Variants in LRTM3 observed in about 807,000 individuals in gnomAD.
LRTM3 encodes the protein leucine rich repeat transmembrane protein 3.
At chr13:102,748,224 C>T in the LRTM3 span, 8 of 1,551,142 alleles carry the variant, frequency 5.2e-6, no homozygotes, top group East Asian at 1.5e-4. Context: ...ATGTTACTTC[C>T]AGTGTTGCAT....
chr13:102,745,477 T>C, the LRTM3 span: 1 of 1,551,048 alleles, frequency 6.4e-7, no homozygotes, highest in Non-Finnish European at 8.7e-7. Flanking sequence ...TCATTTTGGT[T>C]GTCAAGTTAC....
the LRTM3 span, chr13:102,749,099 C>G: frequency 5.2e-6 from 8 of 1,549,578 alleles, no homozygotes; most frequent in Non-Finnish European, 7.0e-6. Flanking sequence ...TATATCTTTC[C>G]TTTCATGTAA....
At chr13:102,752,450 G>C in the LRTM3 span, among the ~76,000 whole-genome samples, 1 of 152,122 alleles carries the variant, frequency 6.6e-6, no homozygotes, top group Non-Finnish European at 1.5e-5. Flanking sequence ...CTACCCTGCA[G>C]GCTGCAACCT....
At chr13:102,747,846 C>T in the LRTM3 span, 1 of 1,551,270 alleles carries the variant, frequency 6.4e-7, no homozygotes, top group Non-Finnish European at 8.7e-7. Context: ...TTATTTGGGG[C>T]TTTACTACTT....
chr13:102,741,582 T>C, the LRTM3 span: 1 of 1,550,406 alleles, frequency 6.4e-7, no homozygotes, highest in Non-Finnish European at 8.7e-7. Flanking sequence ...GGTTCCATAA[T>C]GGGGCAGGCC....
chr13:102,757,912 T>C, the LRTM3 span, among the ~76,000 whole-genome samples: 1 of 152,198 alleles, frequency 6.6e-6, no homozygotes, highest in African/African-American at 2.4e-5. Context: ...TGAATGGATT[T>C]CAATTAAAAC....
chr13:102,732,582 T>C, the LRTM3 span: 1 of 1,551,230 alleles, frequency 6.4e-7, no homozygotes. Context: ...AGTTCTTTTT[T>C]CTGCTTTTGC....
chr13:102,752,493 A>G, the LRTM3 span, among the ~76,000 whole-genome samples: 1 of 152,266 alleles, frequency 6.6e-6, no homozygotes, highest in South Asian at 2.1e-4. Context: ...TCAAAACACC[A>G]TCATTCTTCA....
At chr13:102,748,821 G>T in the LRTM3 span, 1 of 1,550,532 alleles carries the variant, frequency 6.4e-7, no homozygotes, top group Non-Finnish European at 8.7e-7. Context: ...TGTTCTAGCT[G>T]AGGTAACATT....
chr13:102,758,898 A>C, the LRTM3 span: 1 of 1,544,278 alleles, frequency 6.5e-7, no homozygotes, highest in Non-Finnish European at 8.8e-7. Context: ...TCCACTCCCT[A>C]CCCCTTTTTT....
chr13:102,736,882 T>C, the LRTM3 span: 1 of 1,551,198 alleles, frequency 6.4e-7, no homozygotes, highest in Admixed American at 2.0e-5. Flanking sequence ...TCCCTGTATC[T>C]GATGATTCCA....
At chr13:102,732,557 G>A in the LRTM3 span, 1 of 1,551,096 alleles carries the variant, frequency 6.4e-7, no homozygotes, top group Non-Finnish European at 8.7e-7. Context: ...GCTTTGTTTT[G>A]CATTAGATGC....
chr13:102,742,253 T>C, the LRTM3 span: 4 of 1,550,500 alleles, frequency 2.6e-6, no homozygotes, highest in South Asian at 3.6e-5. Flanking sequence ...CTCAAGCAGC[T>C]GGGAAACTGT....
the LRTM3 span, chr13:102,748,163 G>A: frequency 6.4e-7 from 1 of 1,550,940 alleles, no homozygotes; most frequent in Admixed American, 2.0e-5. Context: ...GGTAGTGTAA[G>A]TGGCACTGTG....
chr13:102,739,516 A>G, the LRTM3 span: 1 of 1,550,452 alleles, frequency 6.4e-7, no homozygotes. Flanking sequence ...GAGATGGTAA[A>G]GAAGTACACA....
the LRTM3 span, chr13:102,739,747 A>T: frequency 2.3e-5 from 36 of 1,549,210 alleles, no homozygotes; most frequent in East Asian, 9.8e-5. Flanking sequence ...TACTTTTAAC[A>T]TTACTTGAGA....
At chr13:102,748,906 T>A in the LRTM3 span, 2 of 1,550,330 alleles carry the variant, frequency 1.3e-6, no homozygotes, top group African/African-American at 2.7e-5. Context: ...CTGAGATTCC[T>A]GTCTCCTCAA....
the LRTM3 span, chr13:102,749,197 T>G: frequency 6.4e-7 from 1 of 1,550,704 alleles, no homozygotes; most frequent in Non-Finnish European, 8.7e-7. Flanking sequence ...CTTGTGAAGT[T>G]GGTGTTTTTT....
the LRTM3 span, chr13:102,749,988 C>T: frequency 6.4e-7 from 1 of 1,550,406 alleles, no homozygotes; most frequent in African/African-American, 1.4e-5. Flanking sequence ...AATAAGTGGG[C>T]AAGAGGGCAA....
Sources: gnomAD v4.1 joint callset for allele counts (sites outside exome capture counted in the v4.1 genomes callset) on GRCh38, gnomAD v4.1.1 for gene constraint, MANE v1.5 for transcripts, NCBI Gene and HGNC (gene_info 2026-07-23, HGNC 2026-07-21) for gene names.